Variants in PHKB observed in about 807,000 individuals in gnomAD.
PHKB encodes the protein phosphorylase b kinase regulatory subunit beta.
A neutral mutation model predicts 152.1 loss-of-function variants in PHKB; 122 were observed. That is an observed-to-expected ratio of 0.80 (90% CI 0.69 to 0.93). The LOEUF (loss-of-function observed/expected upper bound fraction) is 0.93. Among genes scored for constraint, PHKB ranks in the 40% least tolerant of loss-of-function variants. The pLI, the probability that PHKB is intolerant of heterozygous loss-of-function variation, is 0.00. For missense variants in PHKB, 1,304 were observed against 1,328.4 expected, an observed-to-expected ratio of 0.98 and a Z score of 0.29; for synonymous variants, 436 against 464.9, an observed-to-expected ratio of 0.94 and a Z score of 0.80.
At chr16:47,483,194 A>G (rs758208119) in intron 1 of PHKB, among the ~76,000 whole-genome samples, 7 of 142,884 alleles carry the variant, frequency 4.9e-5, no homozygotes, top group Non-Finnish European at 1.0e-4. Flanking sequence ...GCCCACCACC[A>G]CACCCAGCTA....
chr16:47,479,778 A>G (rs1160759063), intron 1 of PHKB, among the ~76,000 whole-genome samples: 1 of 152,098 alleles, frequency 6.6e-6, no homozygotes, highest in Admixed American at 6.5e-5. Context: ...TAAATATGTC[A>G]TTATCTGCAT....
At chr16:47,618,939 G>A (rs1972569120) in intron 14 of PHKB, among the ~76,000 whole-genome samples, 1 of 152,140 alleles carries the variant, frequency 6.6e-6, no homozygotes, top group Non-Finnish European at 1.5e-5. Flanking sequence ...AGTAGAGAAT[G>A]TGTCTTACTC....
intron 3 of PHKB, among the ~76,000 whole-genome samples, chr16:47,501,705 A>T (rs1001217149): frequency 2.6e-5 from 4 of 152,216 alleles, no homozygotes; most frequent in Admixed American, 2.0e-4. Context: ...GCATCCTTTT[A>T]ACTTTTTTGT....
intron 6 of PHKB, among the ~76,000 whole-genome samples, chr16:47,522,906 A>T (rs1970708866): frequency 6.7e-6 from 1 of 148,770 alleles, no homozygotes; most frequent in Non-Finnish European, 1.5e-5. Flanking sequence ...CATCCTTGGT[A>T]TGATCTCTGT....
At chr16:47,522,775 G>T (rs893161839) in intron 6 of PHKB, among the ~76,000 whole-genome samples, 1 of 151,070 alleles carries the variant, frequency 6.6e-6, no homozygotes. Context: ...GATTTCTCTC[G>T]TGAGTTTTTC....
At chr16:47,620,034 G>A (rs1055529411) in intron 14 of PHKB, among the ~76,000 whole-genome samples, 4 of 152,136 alleles carry the variant, frequency 2.6e-5, no homozygotes, top group Non-Finnish European at 4.4e-5. Context: ...CTTTTTAAAT[G>A]TTTTTGGAAT....
chr16:47,609,700 A>T (rs1972392209), intron 13 of PHKB, among the ~76,000 whole-genome samples: 1 of 151,986 alleles, frequency 6.6e-6, no homozygotes, highest in African/African-American at 2.4e-5. Context: ...TAGGTTATCT[A>T]ATTTGATGGC....
intron 6 of PHKB, among the ~76,000 whole-genome samples, chr16:47,532,584 G>A (rs895797480): frequency 3.9e-5 from 6 of 152,222 alleles, no homozygotes; most frequent in African/African-American, 1.4e-4. Flanking sequence ...CAACGGAGTG[G>A]GCAGCTCTAG....
rs774768331 is a variant in PHKB, at chr16:47,596,442, G to A, written c.1274G>A (p.Gly425Asp). The A allele has an allele frequency of 1.3e-5, 21 of 1,612,934 alleles. No individual in the cohort carries two copies. The Admixed American group carries it at 3.3e-4, about 26-fold the overall frequency. Residue 425 changes from glycine to aspartate, a missense_variant, in exon 13 of 31, where the codon GGT (glycine) becomes GAT (aspartate). Transcript: ENST00000323584. Reference protein sequence around the residue: ...DFVEYEKNNPGSQKRFPSNCG... With the variant: ...DFVEYEKNNPDSQKRFPSNCG... Reference sequence around the variant, plus strand: ...GTAGAATATGAAAAAAATAACCCTGGTAGTCAAAAACGATTTCCTAGCAAC... The same window carrying A: ...GTAGAATATGAAAAAAATAACCCTGATAGTCAAAAACGATTTCCTAGCAAC...
At chr16:47,604,367 G>A (rs2151706212) in intron 13 of PHKB, among the ~76,000 whole-genome samples, 1 of 152,140 alleles carries the variant, frequency 6.6e-6, no homozygotes, top group East Asian at 1.9e-4. Context: ...TTTTGCTGTG[G>A]AATTTACCAT....
At chr16:47,491,563 C>T (rs1286905546) in intron 1 of PHKB, among the ~76,000 whole-genome samples, 1 of 152,184 alleles carries the variant, frequency 6.6e-6, no homozygotes, top group Non-Finnish European at 1.5e-5. Flanking sequence ...TTCCTTTAGG[C>T]CAATTACTTA....
intron 14 of PHKB, among the ~76,000 whole-genome samples, chr16:47,633,817 G>A (rs577456085): frequency 6.6e-6 from 1 of 152,246 alleles, no homozygotes; most frequent in Admixed American, 6.5e-5. Context: ...CATTAGTTTT[G>A]GGGTAGAGGT....
intron 26 of PHKB, among the ~76,000 whole-genome samples, chr16:47,670,787 G>C (rs556457829): frequency 6.6e-5 from 10 of 152,086 alleles, no homozygotes; most frequent in Non-Finnish European, 1.2e-4. Flanking sequence ...ACCTCACCTG[G>C]CTGCTTTATG....
chr16:47,647,284 C>G (rs1011473838), intron 16 of PHKB, among the ~76,000 whole-genome samples: 1 of 151,864 alleles, frequency 6.6e-6, no homozygotes, highest in African/African-American at 2.4e-5. Context: ...TCACCACGCC[C>G]GGCTAATTTT....
intron 13 of PHKB, among the ~76,000 whole-genome samples, chr16:47,609,553 T>G (rs201603466): frequency 2.2e-4 from 31 of 143,830 alleles, no homozygotes; most frequent in African/African-American, 8.0e-4. Context: ...GTGTGTGTGT[T>G]TGTGTGTGTG....
At chr16:47,688,905 C>T (rs752793405) in intron 26 of PHKB, 136 bp from the exon 27 acceptor site, 6 of 876,966 alleles carry the variant, frequency 6.8e-6, no homozygotes, top group East Asian at 2.4e-5. Flanking sequence ...ATTGTATCAA[C>T]GGTTCAGGAA....
chr16:47,509,466 A>T (rs1307718837), intron 4 of PHKB, among the ~76,000 whole-genome samples: 1 of 152,152 alleles, frequency 6.6e-6, no homozygotes, highest in African/African-American at 2.4e-5. Context: ...GATGGTAAAG[A>T]TGTAACCTCC....
intron 14 of PHKB, among the ~76,000 whole-genome samples, chr16:47,625,560 C>T (rs1424593687): frequency 6.6e-6 from 1 of 152,154 alleles, no homozygotes; most frequent in African/African-American, 2.4e-5. Flanking sequence ...CTTCCTTCTG[C>T]CTGAAGTGCC....
chr16:47,475,582 C>CTA (rs1317417047), intron 1 of PHKB, among the ~76,000 whole-genome samples: 1 of 152,088 alleles, frequency 6.6e-6, no homozygotes, highest in Non-Finnish European at 1.5e-5. Context: ...AGATGGAACT[C>CTA]TAGAGAAAAT....
Sources: allele counts gnomAD v4.1 joint callset (sites outside exome capture counted in the v4.1 genomes callset), GRCh38; gene constraint gnomAD v4.1.1; transcripts MANE v1.5; gene names NCBI Gene and HGNC (gene_info 2026-07-23, HGNC 2026-07-21).